The following NBEAL1 variants were observed in gnomAD, a reference collection of about 807,000 sequenced individuals.
NBEAL1 encodes the protein neurobeachin like 1.
In NBEAL1, 273 loss-of-function variants were observed where a neutral mutation model predicts 351.3. The ratio of observed to expected loss-of-function variants is 0.78; its 90% CI spans 0.70 to 0.86. NBEAL1 has a LOEUF of 0.86. Ranked by LOEUF, NBEAL1 falls within the 40% of genes least tolerant of loss-of-function variation. The pLI is 0.00. For synonymous variants in NBEAL1, 1,050 were observed against 1,086.4 expected (o/e 0.97, Z 0.66); for missense variants, 2,961 against 3,201.3 (o/e 0.92, Z 1.81).
intron 12 of NBEAL1, among the ~76,000 whole-genome samples, chr2:203,105,386 A>C (rs1217216999): frequency 2.0e-5 from 3 of 151,988 alleles, no homozygotes; most frequent in African/African-American, 7.2e-5. Flanking sequence ...GAATGGTGTG[A>C]AACCTGGAGG....
At chr2:203,166,810 C>T (rs1019180651) in intron 37 of NBEAL1, among the ~76,000 whole-genome samples, 2 of 152,084 alleles carry the variant, frequency 1.3e-5, no homozygotes, top group Middle Eastern at 3.2e-3. Context: ...CCACCTCAGC[C>T]TCCCAAAGTG....
At chr2:203,066,939 C>G (rs1324904215) in intron 6 of NBEAL1, among the ~76,000 whole-genome samples, 1 of 145,986 alleles carries the variant, frequency 6.8e-6, no homozygotes, top group Non-Finnish European at 1.5e-5. Flanking sequence ...CAAAGGGCAG[C>G]CGGGCAGAGG....
chr2:203,152,779 G>C (rs1031670533), intron 35 of NBEAL1, among the ~76,000 whole-genome samples: 2 of 152,038 alleles, frequency 1.3e-5, no homozygotes, highest in Non-Finnish European at 2.9e-5. Flanking sequence ...GCTCATGCCT[G>C]TAATCCCAGC....
At position 203,115,891 on chromosome 2, in the gene NBEAL1, G is replaced by C. The variant is rs543159920; in HGVS notation, c.2507-94G>C. ...TTCAGCTGTGTTGTTTGAGTAGCTT[G>C]AAACAGCTTAATTTTAAATTTTATT... On this transcript the variant is annotated intron_variant, in intron 17 of 55. Coordinates refer to ENST00000683969, the MANE Select transcript of NBEAL1 (RefSeq NM_001378026.1). 4 of 793,380 alleles carry C rather than the reference G, an allele frequency of 5.0e-6. No homozygotes were observed. The South Asian group carries it at 5.8e-5, about 11-fold the overall frequency. The allele number at this position is 793,380 out of a possible 1,614,324, so 49.1% of individuals were successfully genotyped here. A position where few individuals can be genotyped will look rare whatever the true frequency, so the allele number is the denominator to read the frequency against.
intron 7 of NBEAL1, chr2:203,074,536 C>G (rs2106143685): frequency 6.6e-6 from 1 of 152,222 alleles, no homozygotes; most frequent in African/African-American, 2.4e-5. Flanking sequence ...CCACGTTGAC[C>G]AGGCTGGTCT....
intron 10 of NBEAL1, among the ~76,000 whole-genome samples, chr2:203,094,736 A>G (rs2062143204): frequency 6.6e-6 from 1 of 152,194 alleles, no homozygotes; most frequent in African/African-American, 2.4e-5. Flanking sequence ...GATGAACCTT[A>G]AGCATTTATC....
At chr2:203,144,518 TCCACAGAG>T in intron 31 of NBEAL1, 74 bp from the exon 32 acceptor site, 2 of 1,327,612 alleles carry the variant, frequency 1.5e-6, no homozygotes, top group Non-Finnish European at 2.1e-6. Context: ...AAATTCTGAA[TCCACAGAG>T]CCAGGCAGAA....
intron 2 of NBEAL1, among the ~76,000 whole-genome samples, chr2:203,020,351 T>C (rs2060748211): frequency 2.0e-5 from 3 of 152,206 alleles, no homozygotes; most frequent in Admixed American, 2.0e-4. Context: ...AAAGATTCTT[T>C]CACCAGTGTA....
chr2:203,165,463 C>T (rs2064104726), intron 36 of NBEAL1, among the ~76,000 whole-genome samples: 1 of 152,170 alleles, frequency 6.6e-6, no homozygotes, highest in Non-Finnish European at 1.5e-5. Flanking sequence ...GTCTTAGTCA[C>T]AGATTCCTGT....
chr2:203,099,592 A>G (rs1190309531), intron 11 of NBEAL1, 37 bp from the exon 12 acceptor site: 1 of 1,364,940 alleles, frequency 7.3e-7, no homozygotes, highest in East Asian at 2.5e-5. Context: ...TCGTGAGCAC[A>G]TTTGTTAATT....
chr2:203,172,248 C>G (rs183932509), intron 40 of NBEAL1, among the ~76,000 whole-genome samples: 21 of 152,018 alleles, frequency 1.4e-4, no homozygotes, highest in African/African-American at 5.1e-4. Context: ...GGGGCAGGTG[C>G]GGTGGCTCAT....
chr2:203,105,298 T>TA (rs879304525), intron 12 of NBEAL1, among the ~76,000 whole-genome samples: 51 of 147,394 alleles, frequency 3.5e-4, no homozygotes, highest in East Asian at 6.0e-4. Context: ...CCATCTCTAC[T>TA]AAAAAAAAAA....
chr2:203,114,860 T>G (rs1289395982), intron 17 of NBEAL1, among the ~76,000 whole-genome samples: 3 of 149,092 alleles, frequency 2.0e-5, no homozygotes, highest in Non-Finnish European at 4.5e-5. Context: ...CAAGTGTTTC[T>G]TGTGCTTCAG....
intron 1 of NBEAL1, 106 bp from the exon 2 acceptor site, chr2:203,016,050 G>A (rs998950341): frequency 1.1e-5 from 2 of 186,094 alleles, no homozygotes; most frequent in African/African-American, 2.3e-5. Flanking sequence ...AAAGTATAGC[G>A]GGTTGTTTGT....
At chr2:203,144,153 G>A (rs893848596) in intron 31 of NBEAL1, among the ~76,000 whole-genome samples, 19 of 149,024 alleles carry the variant, frequency 1.3e-4, no homozygotes, top group African/African-American at 4.5e-4. Flanking sequence ...GGAGGTTGCC[G>A]TGAGCCGAGA....
chr2:203,176,933 C>T (rs1334806986), intron 42 of NBEAL1, among the ~76,000 whole-genome samples: 3 of 151,990 alleles, frequency 2.0e-5, no homozygotes, highest in Non-Finnish European at 4.4e-5. Context: ...AGGTGGATCA[C>T]TTGAGCCCAT....
intron 31 of NBEAL1, among the ~76,000 whole-genome samples, chr2:203,143,575 G>T (rs920304290): frequency 1.3e-5 from 2 of 152,150 alleles, no homozygotes; most frequent in Non-Finnish European, 2.9e-5. Context: ...CTGTCAGCTT[G>T]TGTTAAGCTG....
rs375690008 is a variant in NBEAL1 at position 203,193,849 on chromosome 2, A to C, written c.6976A>C (p.Ile2326Leu). Residue 2326 changes from isoleucine (I) to leucine (L), a missense_variant, in exon 47 of 56, where the codon ATA becomes CTA. Transcript: ENST00000683969. The stretch of plus-strand genomic sequence containing the variant: ...AGAAGCAGTGCAGAAGCCAACCAAA[A>C]TAGACACTTCAACCCTAAACCTGTT... The part of the protein sequence containing the change: ...AEEAVQKPTK[I>L]DTSTLNLFQH... The C allele has an allele frequency of 3.7e-6, 6 of 1,612,900 alleles. No individual in the cohort carries two copies. The African/African-American group carries it at 8.0e-5, about 22-fold the overall frequency.
In NBEAL1 at chr2:203,107,475, TGG is replaced by T; in HGVS notation, c.1327_1328del (p.Gly443SerfsTer8). 6.4e-7 allele frequency: 1 copy of T among 1,551,604 alleles called. No individual in the cohort carries two copies. Among genetic ancestry groups the T allele is most frequent in the Non-Finnish European group, 8.7e-7 (1 of 1,146,494 alleles). ...CATATGCTTGAAGTATTAAAATCCC[TGG>T]GTCAGCCACCACTGGAATTACTTAA... On this transcript the variant is annotated frameshift_variant, in exon 13 of 56. Coordinates refer to ENST00000683969, the MANE Select transcript of NBEAL1 (RefSeq NM_001378026.1). LOFTEE classifies it high-confidence loss of function.
Sources: allele counts gnomAD v4.1 joint callset (sites outside exome capture counted in the v4.1 genomes callset), GRCh38; gene constraint gnomAD v4.1.1; transcripts MANE v1.5; gene names NCBI Gene and HGNC (gene_info 2026-07-23, HGNC 2026-07-21).